Variants in PKP4 observed in about 807,000 individuals in gnomAD.
PKP4 encodes plakophilin-4.
Under a neutral mutation model 145.1 loss-of-function variants are expected in PKP4, and 90 were observed. The observed-to-expected ratio is 0.62, with a 90% CI of 0.52 to 0.74. The LOEUF (loss-of-function observed/expected upper bound fraction) is 0.74. Ranked by LOEUF, PKP4 falls within the 30% of genes least tolerant of loss-of-function variation. PKP4 has a pLI of 0.00. For missense variants in PKP4, 1,340 were observed against 1,482.7 expected (o/e 0.90, Z 1.58); for synonymous variants, 563 against 577.2 (o/e 0.98, Z 0.35).
At chr2:158,557,341 A>T (rs1276559114) in intron 2 of PKP4, among the ~76,000 whole-genome samples, 2 of 152,158 alleles carry the variant, frequency 1.3e-5, no homozygotes, top group Non-Finnish European at 1.5e-5. Context: ...ATGTAAGGGA[A>T]TGGCTAAAAT....
chr2:158,659,790 A>G (rs765487340), intron 12 of PKP4: 2 of 152,270 alleles, frequency 1.3e-5, no homozygotes, highest in Non-Finnish European at 1.5e-5. Flanking sequence ...ACCAGATTAT[A>G]TAGGATTTTG....
chr2:158,479,937 A>G (rs545731034), intron 1 of PKP4, among the ~76,000 whole-genome samples: 6 of 152,138 alleles, frequency 3.9e-5, no homozygotes, highest in African/African-American at 7.2e-5. Flanking sequence ...CCTAGCTACA[A>G]CCGGGGCTGC....
intron 2 of PKP4, among the ~76,000 whole-genome samples, chr2:158,570,743 A>T (rs142749489): frequency 6.6e-6 from 1 of 152,200 alleles, no homozygotes; most frequent in East Asian, 1.9e-4. Flanking sequence ...TATGTATTTT[A>T]TATTAAAAAT....
At chr2:158,611,958 G>T (rs986486938) in intron 4 of PKP4, among the ~76,000 whole-genome samples, 1 of 151,298 alleles carries the variant, frequency 6.6e-6, no homozygotes, top group Non-Finnish European at 1.5e-5. Context: ...CTTCCTGATT[G>T]CCACTATAAA....
intron 1 of PKP4, among the ~76,000 whole-genome samples, chr2:158,481,013 T>A (rs1333224267): frequency 6.6e-6 from 1 of 152,236 alleles, no homozygotes; most frequent in Non-Finnish European, 1.5e-5. Context: ...CTTAGCATGT[T>A]TTCAAGATTC....
At chr2:158,474,125 A>G (rs1411607742) in intron 1 of PKP4, among the ~76,000 whole-genome samples, 1 of 152,218 alleles carries the variant, frequency 6.6e-6, no homozygotes, top group Non-Finnish European at 1.5e-5. Context: ...CCTCATAGTC[A>G]TTAACAAGTT....
intron 4 of PKP4, among the ~76,000 whole-genome samples, chr2:158,605,654 A>G (rs1006790510): frequency 4.6e-5 from 7 of 152,142 alleles, no homozygotes; most frequent in Admixed American, 4.6e-4. Flanking sequence ...GAGATAATTC[A>G]TACTATATAG....
intron 11 of PKP4, among the ~76,000 whole-genome samples, chr2:158,643,432 C>G (rs2054495155): frequency 6.6e-6 from 1 of 152,074 alleles, no homozygotes. Flanking sequence ...TCGTGAGGGC[C>G]AAGTGTGGTA....
intron 2 of PKP4, 25 bp downstream of exon 2, chr2:158,533,341 A>G: frequency 1.2e-6 from 2 of 1,613,262 alleles, no homozygotes; most frequent in Non-Finnish European, 1.7e-6. Flanking sequence ...TGAAAGTTGC[A>G]GTGAATTATT....
intron 2 of PKP4, among the ~76,000 whole-genome samples, chr2:158,574,681 TCAG>T (rs548489955): frequency 0.013 from 1,963 of 152,348 alleles, 31 homozygotes; most frequent in Middle Eastern, 0.051. Context: ...TTTTACAAAT[TCAG>T]TGCTTTATAG....
chr2:158,676,939 G>T lies in PKP4; in HGVS notation c.3256+72G>T, dbSNP rs761026352. On this transcript the variant is annotated intron_variant, in intron 20 of 21. Coordinates refer to ENST00000389759, the MANE Select transcript of PKP4 (RefSeq NM_003628.6). ...TTTCCAGGCGCTTGGCCAGTGGCCT[G>T]GGAAGTAGCCTGTGCTTGTATTGAG... 5.1e-6 allele frequency: 8 copies of T among 1,574,606 alleles called. No individual in the cohort carries two copies. In the Admixed American group the frequency reaches 1.0e-4, roughly 20 times the overall value.
At chr2:158,526,678 A>G (rs1476544395) in intron 1 of PKP4, among the ~76,000 whole-genome samples, 1 of 91,246 alleles carries the variant, frequency 1.1e-5, no homozygotes, top group African/African-American at 4.6e-5. Flanking sequence ...TCAATTAGGA[A>G]AAGAGGAAGT....
At chr2:158,533,036 T>A in intron 1 of PKP4, 144 bp from the exon 2 acceptor site, 1 of 702,820 alleles carries the variant, frequency 1.4e-6, no homozygotes, top group South Asian at 2.5e-5. Flanking sequence ...GGTTACCTGT[T>A]TAGAAAATTT....
chr2:158,585,658 T>G (rs2048739237), intron 3 of PKP4, among the ~76,000 whole-genome samples: 2 of 152,218 alleles, frequency 1.3e-5, no homozygotes, highest in Non-Finnish European at 1.5e-5. Flanking sequence ...AGTTTATTAC[T>G]TATTTAATAT....
At position 158,621,999 on chromosome 2, in the gene PKP4, A is replaced by T. The variant is rs193069725; in HGVS notation, c.603+578A>T. Among the ~76,000 whole-genome samples the T allele has an allele frequency of 2.5e-3, 377 of 152,288 alleles. 2 individuals carry two copies. The highest frequency in any genetic ancestry group is 8.9e-3 in the African/African-American group (368 of 41,574). ...AAACAACAAGTTTGGCATGAGGAGA[A>T]GAGTCTAAGGGGAATGTAAGAGAGT... On this transcript the variant is annotated intron_variant, in intron 6 of 21. Coordinates refer to ENST00000389759, the MANE Select transcript of PKP4 (RefSeq NM_003628.6).
intron 2 of PKP4, among the ~76,000 whole-genome samples, chr2:158,544,902 G>C (rs1162815576): frequency 6.6e-6 from 1 of 152,124 alleles, no homozygotes; most frequent in African/African-American, 2.4e-5. Flanking sequence ...CTTAATGAAT[G>C]AAAGTCCCCT....
chr2:158,548,705 A>G, intron 2 of PKP4: 1 of 220,640 alleles, frequency 4.5e-6, no homozygotes, highest in South Asian at 7.0e-5. Context: ...CCAAGCAGCT[A>G]CTCAGCTGCT....
chr2:158,596,026 CT>C (rs11324166), intron 3 of PKP4, among the ~76,000 whole-genome samples: 109,861 of 147,882 alleles, frequency 0.74, 41,306 homozygotes, highest in East Asian at 0.92. Context: ...ATGAGTTTAC[CT>C]TTTTTTTTTT....
rs552965462 is a variant in PKP4, at chr2:158,647,144, C to T, written c.1909+4445C>T. ...TCAGGTGCCCATCTCCTATAAAGTC[C>T]CCTTTGAAAACAGAACATTAGCCTT... is the stretch of plus-strand genomic sequence containing the variant. On this transcript the variant is annotated intron_variant, in intron 11 of 21. Transcript: ENST00000389759. 7.2e-4 allele frequency among the ~76,000 whole-genome samples: 110 copies of T among 152,218 alleles called. 1 individual carries two copies. The highest frequency in any genetic ancestry group is 2.6e-3 in the African/African-American group (106 of 41,530).
Sources: gnomAD v4.1 joint callset for allele counts (sites outside exome capture counted in the v4.1 genomes callset) on GRCh38, gnomAD v4.1.1 for gene constraint, MANE v1.5 for transcripts, NCBI Gene and HGNC (gene_info 2026-07-23, HGNC 2026-07-21) for gene names.